The following GPR158 variants were observed in gnomAD, a reference collection of about 807,000 sequenced individuals.
The protein encoded by GPR158 is metabotropic glycine receptor.
Under a neutral mutation model 78.2 loss-of-function variants are expected in GPR158, and 30 were observed. The ratio of observed to expected loss-of-function variants is 0.38; its 90% CI spans 0.29 to 0.52. GPR158 has a LOEUF of 0.52. GPR158 is among the 20% of genes least tolerant of loss of function. The pLI, the probability that GPR158 is intolerant of heterozygous loss-of-function variation, is 0.83. For synonymous variants in GPR158, 581 were observed against 591.1 expected, an observed-to-expected ratio of 0.98 and a Z score of 0.25; for missense variants, 1,463 against 1,523.5, an observed-to-expected ratio of 0.96 and a Z score of 0.66.
At chr10:25,523,764 C>A (rs949566988) in intron 5 of GPR158, among the ~76,000 whole-genome samples, 4 of 152,030 alleles carry the variant, frequency 2.6e-5, no homozygotes, top group African/African-American at 9.7e-5. Context: ...TCAGGAATCA[C>A]ACAATGATTT....
intron 5 of GPR158, among the ~76,000 whole-genome samples, chr10:25,470,416 C>A (rs1835484064): frequency 6.6e-6 from 1 of 151,930 alleles, no homozygotes; most frequent in Non-Finnish European, 1.5e-5. Context: ...AGCAAGAAGG[C>A]CTTCACCAGA....
In GPR158 at chr10:25,251,570, T is replaced by C. The variant is rs908180744; in HGVS notation, c.1008+30413T>C. Among the ~76,000 whole-genome samples the C allele has an allele frequency of 8.6e-5, 13 of 151,126 alleles. No homozygotes were observed. The East Asian group carries it at 9.7e-4, about 11-fold the overall frequency. Reference sequence around the variant, plus strand: ...AAGTATTTTATTTCTCCTTCACTTATGAAGCTTAGCTTGGCTGGATATGAA... The same window carrying C: ...AAGTATTTTATTTCTCCTTCACTTACGAAGCTTAGCTTGGCTGGATATGAA... On this transcript the variant is annotated intron_variant, in intron 2 of 10. Coordinates refer to ENST00000376351, the MANE Select transcript of GPR158 (RefSeq NM_020752.3).
chr10:25,589,919 A>G (rs963123450), intron 8 of GPR158, among the ~76,000 whole-genome samples: 3 of 152,244 alleles, frequency 2.0e-5, no homozygotes, highest in Admixed American at 6.5e-5. Context: ...GATGTCATTC[A>G]ATTGCTTGAC....
At chr10:25,518,650 C>A (rs1836216537) in intron 5 of GPR158, among the ~76,000 whole-genome samples, 1 of 12,030 alleles carries the variant, frequency 8.3e-5, no homozygotes, top group Admixed American at 5.6e-4. Context: ...CATTCAGGAG[C>A]AGGTTGTTCA....
chr10:25,266,199 G>A (rs1854043073), intron 2 of GPR158, among the ~76,000 whole-genome samples: 1 of 152,150 alleles, frequency 6.6e-6, no homozygotes, highest in Non-Finnish European at 1.5e-5. Context: ...GGTTTTCATA[G>A]AACTGGGTTT....
chr10:25,586,390 AATTTT>A (rs1564498214), intron 7 of GPR158, among the ~76,000 whole-genome samples: 13 of 130,994 alleles, frequency 9.9e-5, no homozygotes, highest in East Asian at 9.4e-4. Context: ...GGTATGTGTG[AATTTT>A]TTTTTTTTTT....
At chr10:25,362,491 T>C (rs1435329525) in intron 2 of GPR158, among the ~76,000 whole-genome samples, 1 of 151,900 alleles carries the variant, frequency 6.6e-6, no homozygotes. Context: ...CTGCAAAAAA[T>C]GTTGAGCTTT....
chr10:25,255,247 G>A (rs1486119219), intron 2 of GPR158, among the ~76,000 whole-genome samples: 1 of 152,208 alleles, frequency 6.6e-6, no homozygotes, highest in Non-Finnish European at 1.5e-5. Context: ...AGCTTTCAGT[G>A]TAGCTCAGTT....
intron 6 of GPR158, among the ~76,000 whole-genome samples, chr10:25,568,918 G>T (rs1288509242): frequency 6.6e-6 from 1 of 152,118 alleles, no homozygotes; most frequent in Non-Finnish European, 1.5e-5. Context: ...CATATAGGAA[G>T]TCCAATGATT....
chr10:25,320,087 A>G (rs1436675729), intron 2 of GPR158, among the ~76,000 whole-genome samples: 1 of 152,202 alleles, frequency 6.6e-6, no homozygotes, highest in Admixed American at 6.5e-5. Context: ...TTTTATAAAC[A>G]TATTTCTTCA....
chr10:25,532,476 C>T (rs1357025699), intron 5 of GPR158, among the ~76,000 whole-genome samples: 2 of 152,128 alleles, frequency 1.3e-5, no homozygotes, highest in Admixed American at 1.3e-4. Context: ...AATTCTTCTG[C>T]ATTTTTGTTT....
intron 2 of GPR158, among the ~76,000 whole-genome samples, chr10:25,340,294 G>T (rs753869063): frequency 6.6e-6 from 1 of 151,970 alleles, no homozygotes; most frequent in African/African-American, 2.4e-5. Context: ...TTTGAAACAA[G>T]ATATACCCGT....
intron 2 of GPR158, among the ~76,000 whole-genome samples, chr10:25,365,622 A>T (rs1263276928): frequency 6.6e-6 from 1 of 151,730 alleles, no homozygotes; most frequent in African/African-American, 2.4e-5. Context: ...AGAATGGAGT[A>T]GACAAAATAT....
chr10:25,244,348 A>T (rs1853661987), intron 2 of GPR158, among the ~76,000 whole-genome samples: 1 of 152,156 alleles, frequency 6.6e-6, no homozygotes, highest in African/African-American at 2.4e-5. Context: ...CCACCTTAGG[A>T]CAGGAGCCAC....
chr10:25,596,898 G>A, intron 10 of GPR158, 109 bp downstream of exon 10: 1 of 854,990 alleles, frequency 1.2e-6, no homozygotes. Flanking sequence ...TCATGTTTGT[G>A]CATGTATGTC....
intron 1 of GPR158, among the ~76,000 whole-genome samples, chr10:25,191,727 G>A (rs946856767): frequency 6.6e-6 from 1 of 152,134 alleles, no homozygotes; most frequent in Non-Finnish European, 1.5e-5. Context: ...AAACATTCCA[G>A]TATTGTGAAG....
chr10:25,462,317 G>C (rs1564461956), intron 4 of GPR158, among the ~76,000 whole-genome samples: 1 of 152,120 alleles, frequency 6.6e-6, no homozygotes, highest in Non-Finnish European at 1.5e-5. Context: ...CTCAGAAAAA[G>C]ATTCCTTTCA....
At chr10:25,382,659 G>A (rs1834171206) in intron 2 of GPR158, among the ~76,000 whole-genome samples, 2 of 151,966 alleles carry the variant, frequency 1.3e-5, no homozygotes, top group East Asian at 1.9e-4. Context: ...TGATTACCAG[G>A]AGGCCTTTTA....
intron 2 of GPR158, among the ~76,000 whole-genome samples, chr10:25,338,481 T>G (rs1564426244): frequency 7.7e-6 from 1 of 129,666 alleles, no homozygotes; most frequent in East Asian, 2.0e-4. Flanking sequence ...ATACGTATAA[T>G]ATACGTATAA....
Sources: gnomAD v4.1 joint callset for allele counts (sites outside exome capture counted in the v4.1 genomes callset) on GRCh38, gnomAD v4.1.1 for gene constraint, MANE v1.5 for transcripts, NCBI Gene and HGNC (gene_info 2026-07-23, HGNC 2026-07-21) for gene names.